PTPN21: variants seen among roughly 807,000 people sequenced by gnomAD.
PTPN21 encodes the protein tyrosine-protein phosphatase non-receptor type 21.
A neutral mutation model predicts 131.8 loss-of-function variants in PTPN21; 77 were observed. The ratio of observed to expected loss-of-function variants is 0.58; its 90% CI spans 0.49 to 0.71. The LOEUF (loss-of-function observed/expected upper bound fraction) is 0.71, where lower values mean the gene tolerates loss of function less well. Ranked by LOEUF, PTPN21 falls within the 30% of genes least tolerant of loss-of-function variation. The pLI is 0.00. For missense variants in PTPN21, 1,552 were observed against 1,527.1 expected (o/e 1.02, Z -0.27); for synonymous variants, 715 against 621.3 (o/e 1.15, Z -2.24).
chr14:88,505,185 T>C (rs1402117329), intron 5 of PTPN21, 119 bp downstream of exon 5: 7 of 845,372 alleles, frequency 8.3e-6, no homozygotes, highest in Admixed American at 5.2e-5. Flanking sequence ...AGAGGGAATT[T>C]TTTTTTATAA....
rs754594048 is a variant in PTPN21, at chr14:88,479,258, C to T, written c.2173G>A (p.Ala725Thr). Residue 725 changes from alanine (A) to threonine (T), a missense_variant, in exon 13 of 19, where the codon GCC (alanine) becomes ACC (threonine). Ala to Thr is a moderately conservative substitution (Grantham distance 58). Transcript: ENST00000556564. ...CGCGCACGTGCAGGAGGCGCCCGGG[C>T]CCCGCTCTCCTCCTCGAAGTCCTCG... ...EDEDFEEESG[A>T]RAPPARAREP... 5.0e-5 allele frequency: 81 copies of T among 1,611,824 alleles called. No individual in the cohort carries two copies. The highest frequency in any genetic ancestry group is 5.9e-5 in the Non-Finnish European group (69 of 1,179,024).
chr14:88,519,107 T>A (rs2078350086), intron 2 of PTPN21, among the ~76,000 whole-genome samples: 1 of 152,178 alleles, frequency 6.6e-6, no homozygotes, highest in Non-Finnish European at 1.5e-5. Flanking sequence ...AGCATTTAGA[T>A]CTCACTTGCT....
At chr14:88,483,779 G>A (rs2077689190) in intron 12 of PTPN21, among the ~76,000 whole-genome samples, 1 of 152,128 alleles carries the variant, frequency 6.6e-6, no homozygotes, top group African/African-American at 2.4e-5. Context: ...CCAATGTGAT[G>A]AGTCTCTCTT....
At chr14:88,520,742 T>C (rs1209682053) in intron 2 of PTPN21, among the ~76,000 whole-genome samples, 1 of 152,208 alleles carries the variant, frequency 6.6e-6, no homozygotes, top group Non-Finnish European at 1.5e-5. Flanking sequence ...TCAATCTAAT[T>C]TGGTTTTCTC....
At chr14:88,484,213 ATTTT>A (rs58568578) in intron 12 of PTPN21, among the ~76,000 whole-genome samples, 17 of 88,918 alleles carry the variant, frequency 1.9e-4, no homozygotes, top group South Asian at 3.4e-4. Flanking sequence ...ACGCCCAGCT[ATTTT>A]TTTTTTTTTT....
chr14:88,473,083 T>C (rs539322424), intron 14 of PTPN21, among the ~76,000 whole-genome samples: 4 of 152,244 alleles, frequency 2.6e-5, no homozygotes, highest in South Asian at 2.1e-4. Context: ...TAAGTAAATC[T>C]AGGGGACGGA....
intron 2 of PTPN21, among the ~76,000 whole-genome samples, chr14:88,548,609 T>C (rs1483068603): frequency 6.6e-6 from 1 of 152,158 alleles, no homozygotes; most frequent in Non-Finnish European, 1.5e-5. Context: ...AGTATGTATG[T>C]GCTTGGCACT....
rs574851331 is a variant in PTPN21, at chr14:88,476,686, GAACT to G, written c.2511+2230_2511+2233del. Among the ~76,000 whole-genome samples, 190 of 152,214 alleles carry G rather than the reference GAACT, an allele frequency of 1.2e-3. 1 individual carries two copies. Among genetic ancestry groups the G allele is most frequent in the Non-Finnish European group, 1.8e-3 (123 of 68,030 alleles). ...GAAGGGTCCTGACCGTGGTCACAGA[GAACT>G]AACAAATGGCAGGCTCTAGACTCAG... On this transcript the variant is annotated intron_variant, in intron 13 of 18. Coordinates refer to ENST00000556564, the MANE Select transcript of PTPN21 (RefSeq NM_007039.4).
chr14:88,480,430 C>A (rs2077636805), intron 12 of PTPN21, 78 bp from the exon 13 acceptor site: 8 of 1,124,116 alleles, frequency 7.1e-6, no homozygotes. Flanking sequence ...CGGCCCTTAC[C>A]TCTGATGACA....
chr14:88,505,182 A>AT (rs1336226746), intron 5 of PTPN21, 122 bp downstream of exon 5: 258 of 810,386 alleles, frequency 3.2e-4, no homozygotes, highest in Non-Finnish European at 3.8e-4. Context: ...ATAAGAGGGA[A>AT]TTTTTTTTTA....
In PTPN21 at chr14:88,551,311, C is replaced by T. The variant is rs938461445; in HGVS notation, c.-202-692G>A. On this transcript the variant is annotated intron_variant, in intron 1 of 18. Coordinates refer to ENST00000556564, the MANE Select transcript of PTPN21 (RefSeq NM_007039.4). The stretch of plus-strand genomic sequence containing the variant: ...GTGGGGACGCCCAAACAGGCCTTCA[C>T]CTAAGCGGAGCCGCGGCCCAGAAGG... 12 of 152,432 alleles carry T rather than the reference C, an allele frequency of 7.9e-5. No individual in the cohort carries two copies. The East Asian group carries it at 2.3e-3, about 29-fold the overall frequency. The allele number at this position is 152,432 out of a possible 1,614,324, so 9.4% of individuals were successfully genotyped here. A position where few individuals can be genotyped will look rare whatever the true frequency, so the allele number is the denominator to read the frequency against.
intron 2 of PTPN21, among the ~76,000 whole-genome samples, chr14:88,525,258 A>T (rs922927886): frequency 7.9e-5 from 12 of 151,990 alleles, no homozygotes; most frequent in Non-Finnish European, 4.4e-5. Flanking sequence ...AATAATAATA[A>T]ATGAAGAAAG....
At position 88,470,626 on chromosome 14, in the gene PTPN21, C is replaced by T. The variant is rs908528654; in HGVS notation, c.2872-576G>A. 5.3e-5 allele frequency among the ~76,000 whole-genome samples: 8 copies of T among 152,296 alleles called. No individual in the cohort carries two copies. In the East Asian group the frequency reaches 9.7e-4, roughly 18 times the overall value. ...TCTTGGCTTCACCAATATTGAGTGACGACAATAACTGTCTCCAAACACTCA... is the reference window on the plus strand; with the variant it reads ...TCTTGGCTTCACCAATATTGAGTGATGACAATAACTGTCTCCAAACACTCA... On this transcript the variant is annotated intron_variant, in intron 15 of 18. Coordinates refer to ENST00000556564, the MANE Select transcript of PTPN21 (RefSeq NM_007039.4).
rs765080844 is a variant in PTPN21, at chr14:88,478,935, C to G, written c.2496G>C (p.Gly832=). ...CGTGGCTTACCCCTAGAGGCGGGAG[C>G]CCTTCCACGATGTTCTTCTTCCCAG... ...LLSGKKNIVE[G]LPPLGGMKKT... The change falls in exon 13 of 19, where the codon GGG becomes GGC. Residue 832 remains glycine, a synonymous_variant. Coordinates refer to ENST00000556564, the MANE Select transcript of PTPN21 (RefSeq NM_007039.4). 1.3e-6 allele frequency: 2 copies of G among 1,507,054 alleles called. No homozygotes were observed. Among genetic ancestry groups the G allele is most frequent in the Non-Finnish European group, 1.8e-6 (2 of 1,129,218 alleles). 93.4% of individuals were successfully genotyped at this position (1,507,054 alleles called of 1,614,324 possible). A position where few individuals can be genotyped will look rare whatever the true frequency, so the allele number is the denominator to read the frequency against.
chr14:88,488,991 G>A (rs986260926), intron 10 of PTPN21, among the ~76,000 whole-genome samples: 1 of 152,268 alleles, frequency 6.6e-6, no homozygotes, highest in Admixed American at 6.5e-5. Context: ...AAAGTGATAC[G>A]TAAGTTCAGT....
At position 88,492,891 on chromosome 14, in the gene PTPN21, G is replaced by A. The variant is rs546073240; in HGVS notation, c.932+3522C>T. The A allele has an allele frequency of 3.3e-5, 11 of 337,452 alleles. 1 individual carries two copies. Among genetic ancestry groups the A allele is most frequent in the East Asian group, 1.7e-4 (2 of 11,972 alleles). 20.9% of individuals were successfully genotyped at this position (337,452 alleles called of 1,614,324 possible). ...GGGCACCTTGCCAGACAGGGGACAC[G>A]AAGATGAGGAAGAGGAGACCCTGCC... On this transcript the variant is annotated intron_variant, in intron 10 of 18. Transcript: ENST00000556564.
chr14:88,504,289 T>C, intron 6 of PTPN21, 136 bp downstream of exon 6: 1 of 679,074 alleles, frequency 1.5e-6, no homozygotes, highest in Non-Finnish European at 2.5e-6. Context: ...CTACTTGTAA[T>C]AGTAGTGGCA....
chr14:88,471,112 C>T (rs1387991004), intron 15 of PTPN21, among the ~76,000 whole-genome samples: 1 of 152,094 alleles, frequency 6.6e-6, no homozygotes. Context: ...TATTTAAAAA[C>T]AAAATAGTAT....
At chr14:88,470,161 A>G (rs2077438014) in intron 15 of PTPN21, 111 bp from the exon 16 acceptor site, 1 of 966,208 alleles carries the variant, frequency 1.0e-6, no homozygotes, top group Admixed American at 2.6e-5. Flanking sequence ...GTAAAAAGTA[A>G]AAAAGTAGTA....
Sources: gnomAD v4.1 joint callset for allele counts (sites outside exome capture counted in the v4.1 genomes callset) on GRCh38, gnomAD v4.1.1 for gene constraint, MANE v1.5 for transcripts, NCBI Gene and HGNC (gene_info 2026-07-23, HGNC 2026-07-21) for gene names.